PCDHA10: variants seen among roughly 807,000 people sequenced by gnomAD.
PCDHA10 encodes protocadherin alpha 10, also known as protocadherin alpha-10.
In PCDHA10, 45 loss-of-function variants were observed where a neutral mutation model predicts 61.2. That is an observed-to-expected ratio of 0.74 (90% CI 0.58 to 0.94). PCDHA10 has a LOEUF of 0.94. PCDHA10 is among the 40% of genes least tolerant of loss of function. PCDHA10 has a pLI of 0.00. For missense variants in PCDHA10, 1,278 were observed against 1,236.2 expected, an observed-to-expected ratio of 1.03 and a Z score of -0.51; for synonymous variants, 602 against 548.8, an observed-to-expected ratio of 1.10 and a Z score of -1.35.
Position 140,876,332 on chromosome 5 carries a change from T to C in PCDHA10, c.2388+17896T>C. On this transcript the variant is annotated intron_variant, in intron 1 of 3. Coordinates refer to ENST00000307360, the MANE Select transcript of PCDHA10 (RefSeq NM_018901.4). ...TATGGGATCAAAATGATTTTGCCAGTGAGTGAGAAATGTATGTTTTCAATA... is the reference window on the plus strand; with the variant it reads ...TATGGGATCAAAATGATTTTGCCAGCGAGTGAGAAATGTATGTTTTCAATA... 6.2e-7 allele frequency: 1 copy of C among 1,613,990 alleles called. No homozygotes were observed. Among genetic ancestry groups the C allele is most frequent in the Non-Finnish European group, 8.5e-7 (1 of 1,179,896 alleles).
chr5:140,957,594 A>C (rs2095369947), intron 1 of PCDHA10, among the ~76,000 whole-genome samples: 1 of 152,154 alleles, frequency 6.6e-6, no homozygotes, highest in Non-Finnish European at 1.5e-5. Context: ...AGCACTTCCC[A>C]GAATAAACAC....
intron 1 of PCDHA10, chr5:140,868,151 C>A (rs1421051830): frequency 6.6e-6 from 1 of 151,990 alleles, no homozygotes. Flanking sequence ...GATTCTGTTA[C>A]ATAAAGTGCT....
At chr5:140,955,385 G>A (rs1416235573) in intron 1 of PCDHA10, among the ~76,000 whole-genome samples, 4 of 152,216 alleles carry the variant, frequency 2.6e-5, no homozygotes, top group South Asian at 4.1e-4. Flanking sequence ...GAATCATGGG[G>A]GCAATTATCC....
At chr5:140,964,959 T>C (rs1330728069) in intron 1 of PCDHA10, among the ~76,000 whole-genome samples, 2 of 152,168 alleles carry the variant, frequency 1.3e-5, no homozygotes, top group African/African-American at 4.8e-5. Context: ...GCTTGGTTGG[T>C]GGAACGAAGG....
At chr5:140,992,251 A>G (rs1554252780) in intron 3 of PCDHA10, among the ~76,000 whole-genome samples, 1 of 152,198 alleles carries the variant, frequency 6.6e-6, no homozygotes, top group Non-Finnish European at 1.5e-5. Flanking sequence ...AAGTAGAGCT[A>G]AAGATGAAAG....
chr5:140,950,952 A>G (rs1554219699), intron 1 of PCDHA10, among the ~76,000 whole-genome samples: 2 of 151,782 alleles, frequency 1.3e-5, no homozygotes, highest in Admixed American at 1.3e-4. Context: ...GATCATTTCT[A>G]TTGATCTATT....
rs782118774 is a variant in PCDHA10 at position 140,929,021 on chromosome 5, G to A, written c.2389-49928G>A. ...TTCGTGTGTACCAAGTTGCACCAGAGCCCAGGCTGTTGCGCTCAGAGCTGC... is the reference window on the plus strand; with the variant it reads ...TTCGTGTGTACCAAGTTGCACCAGAACCCAGGCTGTTGCGCTCAGAGCTGC... On this transcript the variant is annotated intron_variant, in intron 1 of 3. Coordinates refer to ENST00000307360, the MANE Select transcript of PCDHA10 (RefSeq NM_018901.4). 5 of 1,614,072 alleles carry A rather than the reference G, an allele frequency of 3.1e-6. No homozygotes were observed. In the African/African-American group the frequency reaches 6.7e-5, roughly 22 times the overall value.
At chr5:140,988,831 A>G (rs1005821454) in intron 3 of PCDHA10, 6 of 152,208 alleles carry the variant, frequency 3.9e-5, no homozygotes, top group Non-Finnish European at 7.3e-5. Flanking sequence ...AACAGAGATC[A>G]CGTGTCTCCT....
chr5:140,955,914 G>A (rs1293205418), intron 1 of PCDHA10, among the ~76,000 whole-genome samples: 1 of 152,140 alleles, frequency 6.6e-6, no homozygotes, highest in East Asian at 1.9e-4. Context: ...TAGCAATTGT[G>A]AATGGGAGTT....
At chr5:140,907,746 T>G (rs1240884837) in intron 1 of PCDHA10, among the ~76,000 whole-genome samples, 3 of 152,302 alleles carry the variant, frequency 2.0e-5, no homozygotes, top group African/African-American at 7.2e-5. Context: ...ATGGCCACTT[T>G]GTTCATGGGC....
At position 140,957,153 on chromosome 5, in the gene PCDHA10, A is replaced by G. The variant is rs988889035; in HGVS notation, c.2389-21796A>G. Among the ~76,000 whole-genome samples, 121 of 152,268 alleles carry G rather than the reference A, an allele frequency of 7.9e-4. 1 individual carries two copies. Among genetic ancestry groups the G allele is most frequent in the East Asian group, 3.9e-4 (2 of 5,186 alleles). On this transcript the variant is annotated intron_variant, in intron 1 of 3. Transcript: ENST00000307360. Reference sequence around the variant, plus strand: ...ACACTATGAACTAAAAATTTTGGAGACAAATCTAAGTATATAAATTGGTTT... The same window carrying G: ...ACACTATGAACTAAAAATTTTGGAGGCAAATCTAAGTATATAAATTGGTTT...
chr5:140,890,990 A>T (rs782516672), intron 1 of PCDHA10, among the ~76,000 whole-genome samples: 1 of 152,142 alleles, frequency 6.6e-6, no homozygotes, highest in African/African-American at 2.4e-5. Flanking sequence ...TCTTTATTTC[A>T]TCATAATTAT....
rs189785800 is a variant in PCDHA10 at position 141,012,340 on chromosome 5, G to A, written c.*2403G>A. ...TTATTGCTAATAAATGAAAATGGTG[G>A]TATGAAAGAAATGGTGGTCATTTCT... On this transcript the variant is annotated 3_prime_UTR_variant, in exon 4 of 4. Transcript: ENST00000307360. The A allele has an allele frequency of 3.6e-4, 55 of 153,812 alleles. No homozygotes were observed. The East Asian group carries it at 9.6e-3, about 27-fold the overall frequency. 9.5% of individuals were successfully genotyped at this position (153,812 alleles called of 1,614,324 possible).
At chr5:140,877,239 C>G (rs2056959197) in intron 1 of PCDHA10, 1 of 1,613,668 alleles carries the variant, frequency 6.2e-7, no homozygotes, top group Non-Finnish European at 8.5e-7. Context: ...GTGCGGGCCA[C>G]GTGGTGGCGA....
intron 1 of PCDHA10, among the ~76,000 whole-genome samples, chr5:140,932,637 T>C (rs1554209011): frequency 6.6e-6 from 1 of 151,870 alleles, no homozygotes; most frequent in African/African-American, 2.4e-5. Context: ...TAAAAAACTT[T>C]AGAATGATGA....
At chr5:140,958,667 TA>T (rs1310790364) in intron 1 of PCDHA10, among the ~76,000 whole-genome samples, 1 of 152,186 alleles carries the variant, frequency 6.6e-6, no homozygotes, top group African/African-American at 2.4e-5. Context: ...GATGAAATTT[TA>T]ATTATAAAGG....
Position 140,870,071 on chromosome 5 carries a change from A to G in PCDHA10, c.2388+11635A>G, listed in dbSNP as rs782336770. Reference sequence around the variant, plus strand: ...TATAAAATTGAAGTACAGGCTACAGATAAGGGGACTCCCCCAATGGCAGGT... The same window carrying G: ...TATAAAATTGAAGTACAGGCTACAGGTAAGGGGACTCCCCCAATGGCAGGT... On this transcript the variant is annotated intron_variant, in intron 1 of 3. Coordinates refer to ENST00000307360, the MANE Select transcript of PCDHA10 (RefSeq NM_018901.4). 13 of 1,613,778 alleles carry G rather than the reference A, an allele frequency of 8.1e-6. No homozygotes were observed. The highest frequency in any genetic ancestry group is 1.3e-5 in the African/African-American group (1 of 74,950).
intron 2 of PCDHA10, 87 bp downstream of exon 2, chr5:140,979,094 T>C (rs1203462119): frequency 6.4e-7 from 1 of 1,551,870 alleles, no homozygotes; most frequent in Non-Finnish European, 8.7e-7. Flanking sequence ...CAGAAGCAGC[T>C]GTCAAAACTA....
intron 1 of PCDHA10, chr5:140,875,592 A>G: frequency 6.2e-7 from 1 of 1,613,992 alleles, no homozygotes; most frequent in Non-Finnish European, 8.5e-7. Flanking sequence ...AGGAGGCCAA[A>G]CACGGCACCT....
Sources: allele counts gnomAD v4.1 joint callset (sites outside exome capture counted in the v4.1 genomes callset), GRCh38; gene constraint gnomAD v4.1.1; transcripts MANE v1.5; gene names NCBI Gene and HGNC (gene_info 2026-07-23, HGNC 2026-07-21).